The following MEF2C variants were observed in gnomAD, a reference collection of about 807,000 sequenced individuals.
MEF2C encodes the protein myocyte enhancer factor 2C.
In MEF2C, 6 loss-of-function variants were observed where a neutral mutation model predicts 50.5. The ratio of observed to expected loss-of-function variants is 0.12; its 90% CI spans 0.07 to 0.23. The LOEUF (loss-of-function observed/expected upper bound fraction) is 0.23, where lower values mean the gene tolerates loss of function less well. Ranked by LOEUF, MEF2C falls within the 10% of genes least tolerant of loss-of-function variation. The pLI, the probability that MEF2C is intolerant of heterozygous loss-of-function variation, is 1.00. For missense variants in MEF2C, 276 were observed against 605.0 expected, an observed-to-expected ratio of 0.46 and a Z score of 5.70; for synonymous variants, 183 against 228.0, an observed-to-expected ratio of 0.80 and a Z score of 1.78.
chr5:88,879,531 C>T (rs1025112570), intron 1 of MEF2C, among the ~76,000 whole-genome samples: 2 of 151,872 alleles, frequency 1.3e-5, no homozygotes, highest in African/African-American at 2.4e-5. Context: ...GCATTTTCTG[C>T]TGAATTACTC....
chr5:88,733,038 A>G, intron 6 of MEF2C: 2 of 975,438 alleles, frequency 2.1e-6, no homozygotes, highest in Non-Finnish European at 2.4e-6. Flanking sequence ...TGGTAATCCA[A>G]TACATACTCA....
chr5:88,903,402 T>C (rs1373663065), intron 1 of MEF2C, among the ~76,000 whole-genome samples: 1 of 151,870 alleles, frequency 6.6e-6, no homozygotes, highest in Admixed American at 6.6e-5. Context: ...ACATGCAATG[T>C]ATGCTTTAAA....
intron 7 of MEF2C, 144 bp downstream of exon 7, chr5:88,731,585 A>G: frequency 1.4e-6 from 1 of 732,274 alleles, no homozygotes; most frequent in Non-Finnish European, 2.3e-6. Flanking sequence ...TAATAGCTAA[A>G]TACAAGCAAG....
chr5:88,733,218 G>A (rs1762437499), intron 6 of MEF2C: 1 of 985,190 alleles, frequency 1.0e-6, no homozygotes, highest in Non-Finnish European at 1.2e-6. Flanking sequence ...AGATATGTTA[G>A]GCTTGTGACT....
chr5:88,847,798 A>G (rs928263989), intron 1 of MEF2C, among the ~76,000 whole-genome samples: 1 of 152,164 alleles, frequency 6.6e-6, no homozygotes, highest in Non-Finnish European at 1.5e-5. Flanking sequence ...AGGATACAAC[A>G]TCAGACACCA....
chr5:88,875,250 A>G (rs1403514791), intron 1 of MEF2C, among the ~76,000 whole-genome samples: 2 of 152,038 alleles, frequency 1.3e-5, no homozygotes, highest in African/African-American at 4.8e-5. Context: ...TGAAAAGCAT[A>G]AAACAAATCT....
chr5:88,853,044 C>A (rs1401934333), intron 1 of MEF2C, among the ~76,000 whole-genome samples: 1 of 151,992 alleles, frequency 6.6e-6, no homozygotes, highest in Non-Finnish European at 1.5e-5. Flanking sequence ...GGAAACATAG[C>A]AAGACACTGT....
chr5:88,899,920 A>G (rs1031551438), intron 1 of MEF2C, among the ~76,000 whole-genome samples: 2 of 152,132 alleles, frequency 1.3e-5, no homozygotes, highest in South Asian at 2.1e-4. Flanking sequence ...TTTTAGATCA[A>G]TCCCTTGCAG....
At chr5:88,854,092 A>C (rs1350949093) in intron 1 of MEF2C, among the ~76,000 whole-genome samples, 1 of 152,206 alleles carries the variant, frequency 6.6e-6, no homozygotes, top group Non-Finnish European at 1.5e-5. Context: ...TGAATTAAAG[A>C]CCATTGAGAG....
chr5:88,852,585 T>C (rs1821787295), intron 1 of MEF2C, among the ~76,000 whole-genome samples: 1 of 152,218 alleles, frequency 6.6e-6, no homozygotes, highest in South Asian at 2.1e-4. Context: ...AAGAATGTAG[T>C]TCTAGCTGGG....
chr5:88,873,370 C>A (rs1339719683), intron 1 of MEF2C, among the ~76,000 whole-genome samples: 1 of 152,050 alleles, frequency 6.6e-6, no homozygotes, highest in Non-Finnish European at 1.5e-5. Context: ...TAAAACAATT[C>A]TGTCGCCCAT....
At chr5:88,860,337 T>A (rs1027854756) in intron 1 of MEF2C, among the ~76,000 whole-genome samples, 5 of 151,768 alleles carry the variant, frequency 3.3e-5, no homozygotes, top group African/African-American at 1.2e-4. Context: ...TTTTTTTTTT[T>A]ATGGTAAGGT....
chr5:88,757,633 T>C (rs1775965167), intron 4 of MEF2C, among the ~76,000 whole-genome samples: 1 of 151,982 alleles, frequency 6.6e-6, no homozygotes, highest in South Asian at 2.1e-4. Context: ...AAAAACAAAA[T>C]AGCCAGGCAT....
intron 2 of MEF2C, among the ~76,000 whole-genome samples, chr5:88,805,632 A>G (rs573970840): frequency 6.6e-6 from 1 of 152,118 alleles, no homozygotes; most frequent in South Asian, 2.1e-4. Context: ...CAAACTGCAA[A>G]GCCTCACTCT....
At chr5:88,852,441 C>T (rs893507828) in intron 1 of MEF2C, among the ~76,000 whole-genome samples, 4 of 152,216 alleles carry the variant, frequency 2.6e-5, no homozygotes, top group African/African-American at 9.7e-5. Flanking sequence ...TATTTGAACA[C>T]TGGATTCTGG....
At chr5:88,749,391 T>TA (rs777163891) in intron 5 of MEF2C, 350 of 985,052 alleles carry the variant, frequency 3.6e-4, no homozygotes, top group Non-Finnish European at 4.2e-4. Context: ...TTATTATTTC[T>TA]AAGTCTAGGT....
At chr5:88,875,993 T>G (rs960175346) in intron 1 of MEF2C, among the ~76,000 whole-genome samples, 1 of 151,890 alleles carries the variant, frequency 6.6e-6, no homozygotes, top group African/African-American at 2.4e-5. Flanking sequence ...AAAGAGTTTA[T>G]TTTTCTTTCT....
chr5:88,866,612 A>G (rs1827475830), intron 1 of MEF2C, among the ~76,000 whole-genome samples: 1 of 152,248 alleles, frequency 6.6e-6, no homozygotes. Context: ...TGAACCCAGA[A>G]AAATTCAGTT....
chr5:88,738,323 A>G lies in MEF2C; in HGVS notation c.638-6422T>C, dbSNP rs1175435276. 4.1e-6 allele frequency: 4 copies of G among 985,232 alleles called. No individual in the cohort carries two copies. The African/African-American group carries it at 5.2e-5, about 13-fold the overall frequency. 61.0% of individuals were successfully genotyped at this position (985,232 alleles called of 1,614,324 possible). Reference sequence around the variant, plus strand: ...GTGTATAGTATTATTTACCAACAACACAACATTAAGCATACACATTAACTG... The same window carrying G: ...GTGTATAGTATTATTTACCAACAACGCAACATTAAGCATACACATTAACTG... On this transcript the variant is annotated intron_variant, in intron 6 of 10. Transcript: ENST00000504921.
Sources: allele counts gnomAD v4.1 joint callset (sites outside exome capture counted in the v4.1 genomes callset), GRCh38; gene constraint gnomAD v4.1.1; transcripts MANE v1.5; gene names NCBI Gene and HGNC (gene_info 2026-07-23, HGNC 2026-07-21).